The following LNX1 variants were observed in gnomAD, a reference collection of about 807,000 sequenced individuals.
The protein encoded by LNX1 is E3 ubiquitin-protein ligase LNX.
LNX1 carries 54 observed loss-of-function variants against 68.4 expected under a neutral mutation model. The observed-to-expected ratio is 0.79, with a 90% confidence interval of 0.63 to 0.99. The LOEUF (loss-of-function observed/expected upper bound fraction) is 0.99. Ranked by LOEUF, LNX1 falls within the 50% of genes least tolerant of loss-of-function variation. The probability of loss-of-function intolerance (pLI) is 0.00; values close to 1 mark genes in which losing one functional copy is unlikely to be tolerated. For missense variants in LNX1, 906 were observed against 926.4 expected (o/e 0.98, Z 0.29); for synonymous variants, 336 against 350.0 (o/e 0.96, Z 0.45).
At chr4:53,491,703 T>C (rs1163732861) in intron 6 of LNX1, among the ~76,000 whole-genome samples, 1 of 152,196 alleles carries the variant, frequency 6.6e-6, no homozygotes, top group African/African-American at 2.4e-5. Context: ...ACATAGATGT[T>C]CATAATTTGA....
At chr4:53,587,231 G>C (rs907509) in intron 1 of LNX1, among the ~76,000 whole-genome samples, 1 of 152,090 alleles carries the variant, frequency 6.6e-6, no homozygotes, top group South Asian at 2.1e-4. Flanking sequence ...ATGGAGGAAA[G>C]GGTAAACACA....
rs1723738052 is a variant in LNX1 at position 53,478,818 on chromosome 4, G to A, written c.1486-76C>T. On this transcript the variant is annotated intron_variant, in intron 7 of 10. Transcript: ENST00000263925. ...TTTTTGAATGTAGAAAATGCAAAGT[G>A]GGTTTCCATTTTCTAAATGCAAAAA... The A allele has an allele frequency of 2.8e-6, 4 of 1,426,250 alleles. No individual in the cohort carries two copies. The African/African-American group carries it at 4.3e-5, about 15-fold the overall frequency. 88.3% of individuals were successfully genotyped at this position (1,426,250 alleles called of 1,614,324 possible). A position where few individuals can be genotyped will look rare whatever the true frequency, so the allele number is the denominator to read the frequency against.
chr4:53,538,746 G>A (rs1728550036), intron 2 of LNX1, among the ~76,000 whole-genome samples: 1 of 152,172 alleles, frequency 6.6e-6, no homozygotes, highest in Non-Finnish European at 1.5e-5. Flanking sequence ...GCTGCACAAA[G>A]ATTCGAAATG....
intron 6 of LNX1, among the ~76,000 whole-genome samples, chr4:53,489,559 C>T (rs533921525): frequency 6.6e-6 from 1 of 152,112 alleles, no homozygotes; most frequent in Admixed American, 6.5e-5. Context: ...TGATTATGTT[C>T]TATAAAAATA....
chr4:53,560,674 C>T (rs1255294797), intron 2 of LNX1, among the ~76,000 whole-genome samples: 1 of 152,214 alleles, frequency 6.6e-6, no homozygotes, highest in Non-Finnish European at 1.5e-5. Context: ...AACACTGAAG[C>T]ATGCAGCCAT....
At chr4:53,642,344 T>C (rs1734719836) in intron 1 of LNX1, among the ~76,000 whole-genome samples, 1 of 152,140 alleles carries the variant, frequency 6.6e-6, no homozygotes, top group Non-Finnish European at 1.5e-5. Context: ...TATGCTATAT[T>C]TAAAATGTAT....
intron 2 of LNX1, among the ~76,000 whole-genome samples, chr4:53,518,493 A>G (rs528698153): frequency 6.6e-5 from 10 of 152,138 alleles, no homozygotes; most frequent in Non-Finnish European, 1.3e-4. Flanking sequence ...ATCTCAACTC[A>G]CAAATTAATA....
At chr4:53,478,861 A>T in intron 7 of LNX1, 119 bp from the exon 8 acceptor site, 1 of 950,120 alleles carries the variant, frequency 1.1e-6, no homozygotes, top group Non-Finnish European at 1.6e-6. Flanking sequence ...AGCTGCATAA[A>T]TTATGCAAAG....
intron 1 of LNX1, among the ~76,000 whole-genome samples, chr4:53,647,624 T>A (rs1339798898): frequency 6.6e-6 from 1 of 152,242 alleles, no homozygotes; most frequent in East Asian, 1.9e-4. Context: ...ACACATAACA[T>A]GAAACTTGCC....
chr4:53,559,084 C>A (rs1175017859), intron 2 of LNX1, among the ~76,000 whole-genome samples: 1 of 152,142 alleles, frequency 6.6e-6, no homozygotes, highest in Non-Finnish European at 1.5e-5. Flanking sequence ...TAATTACATT[C>A]ATCACATTAA....
chr4:53,639,651 AG>A (rs2109882921), intron 1 of LNX1, among the ~76,000 whole-genome samples: 1 of 152,318 alleles, frequency 6.6e-6, no homozygotes, highest in Admixed American at 6.5e-5. Flanking sequence ...AAGTATCAAA[AG>A]GGCTGTTTCT....
At chr4:53,622,468 C>T (rs535216823), upstream of LNX1, among the ~76,000 whole-genome samples, 16 of 152,140 alleles carry the variant, frequency 1.1e-4, no homozygotes, top group East Asian at 1.2e-3. Flanking sequence ...ATTGGCGTGG[C>T]GAGACCACAG....
intron 2 of LNX1, among the ~76,000 whole-genome samples, chr4:53,612,041 A>T (rs951171762): frequency 2.6e-5 from 4 of 152,310 alleles, no homozygotes; most frequent in Middle Eastern, 3.4e-3. Context: ...GGCAAGAAAA[A>T]CAAGAACAAA....
chr4:53,463,226 T>C (rs1026110627), intron 9 of LNX1, among the ~76,000 whole-genome samples: 4 of 152,056 alleles, frequency 2.6e-5, no homozygotes, highest in African/African-American at 9.7e-5. Flanking sequence ...AGTGTGCCTA[T>C]TTTCTAACCT....
At chr4:53,586,310 G>A (rs1732168873) in intron 1 of LNX1, among the ~76,000 whole-genome samples, 1 of 152,154 alleles carries the variant, frequency 6.6e-6, no homozygotes, top group Non-Finnish European at 1.5e-5. Context: ...AAGGCCACGT[G>A]ACTGTCAAAA....
At position 53,589,554 on chromosome 4, in the gene LNX1, A is replaced by G. The variant is rs149142380; in HGVS notation, c.-87+1834T>C. On this transcript the variant is annotated intron_variant, in intron 1 of 10. Transcript: ENST00000263925. The stretch of plus-strand genomic sequence containing the variant: ...GTTAACACCAGGCATTGGTCGCTGG[A>G]TGCTAACATATATTAGCTACCTCAT... Among the ~76,000 whole-genome samples the G allele has an allele frequency of 3.9e-3, 592 of 152,352 alleles. 3 individuals are homozygous for G. The highest frequency in any genetic ancestry group is 0.011 in the African/African-American group (463 of 41,566).
intron 2 of LNX1, among the ~76,000 whole-genome samples, chr4:53,552,828 CAA>C (rs11375920): frequency 3.5e-4 from 38 of 109,576 alleles, no homozygotes; most frequent in Admixed American, 1.6e-3. Context: ...GACTCCATCT[CAA>C]AAAAAAAAAA....
At chr4:53,496,535 C>T (rs368779316) in intron 5 of LNX1, 141 bp from the exon 6 acceptor site, 2 of 1,053,526 alleles carry the variant, frequency 1.9e-6, no homozygotes, top group East Asian at 2.6e-5. Context: ...AATAACCGCA[C>T]CTTCCAACAG....
chr4:53,563,032 C>G (rs1227812867), intron 2 of LNX1, among the ~76,000 whole-genome samples: 2 of 152,086 alleles, frequency 1.3e-5, no homozygotes, highest in African/African-American at 4.8e-5. Flanking sequence ...TGGTAAAAAC[C>G]TGTCTCTACT....
Sources: allele counts gnomAD v4.1 joint callset (sites outside exome capture counted in the v4.1 genomes callset), GRCh38; gene constraint gnomAD v4.1.1; transcripts MANE v1.5; gene names NCBI Gene and HGNC (gene_info 2026-07-23, HGNC 2026-07-21).